Variants in SLC4A5 observed in about 807,000 individuals in gnomAD.
The protein encoded by SLC4A5 is solute carrier family 4 member 5.
SLC4A5 carries 96 observed loss-of-function variants against 120.4 expected under a neutral mutation model. The ratio of observed to expected loss-of-function variants is 0.80; its 90% CI spans 0.68 to 0.94. The LOEUF is 0.94. Ranked by LOEUF, SLC4A5 falls within the 40% of genes least tolerant of loss-of-function variation. The pLI, the probability that SLC4A5 is intolerant of heterozygous loss-of-function variation, is 0.00. For synonymous variants in SLC4A5, 550 were observed against 571.1 expected (o/e 0.96, Z 0.53); for missense variants, 1,259 against 1,459.5 (o/e 0.86, Z 2.24).
exon 27 of SLC4A5, chr2:74,227,011 C>T (rs1694863859): frequency 6.2e-7 from 1 of 1,614,182 alleles, no homozygotes; most frequent in Non-Finnish European, 8.5e-7. Context: ...AGAGCACCGC[C>T]AGGCAGAGGA....
intron 15 of SLC4A5, among the ~76,000 whole-genome samples, chr2:74,252,729 G>C (rs1451111981): frequency 6.6e-6 from 1 of 151,918 alleles, no homozygotes; most frequent in Non-Finnish European, 1.5e-5. Context: ...AGGGACTATA[G>C]GTGCATGCCA....
intron 8 of SLC4A5, among the ~76,000 whole-genome samples, chr2:74,268,829 G>C (rs1393023516): frequency 6.6e-6 from 1 of 152,176 alleles, no homozygotes; most frequent in Non-Finnish European, 1.5e-5. Flanking sequence ...GATTACTAGT[G>C]AGATTGAACA....
exon 28 of SLC4A5, chr2:74,224,988 C>A (rs752159341): frequency 2.0e-5 from 32 of 1,613,780 alleles, no homozygotes; most frequent in Non-Finnish European, 2.7e-5. Flanking sequence ...GATGATGAGG[C>A]CCAGGATCTG....
At chr2:74,327,712 C>A (rs1321688417) in intron 5 of SLC4A5, among the ~76,000 whole-genome samples, 3 of 152,144 alleles carry the variant, frequency 2.0e-5, no homozygotes, top group African/African-American at 4.8e-5. Context: ...AGAGGTAAGT[C>A]TCAGGGTTTT....
chr2:74,222,219 G>A (rs1694675614), intron 29 of SLC4A5, among the ~76,000 whole-genome samples: 2 of 152,326 alleles, frequency 1.3e-5, no homozygotes, highest in Admixed American at 1.3e-4. Flanking sequence ...GGGAGGCCTG[G>A]TGGGCCATGT....
At chr2:74,289,800 G>C (rs1163904913) in intron 7 of SLC4A5, among the ~76,000 whole-genome samples, 1 of 151,988 alleles carries the variant, frequency 6.6e-6, no homozygotes, top group African/African-American at 2.4e-5. Context: ...ATTCTCCCTG[G>C]GATCAGAAAT....
In SLC4A5 at chr2:74,248,316, C is replaced by T. The variant is rs10178721; in HGVS notation, c.1787+37G>A. On this transcript the variant is annotated intron_variant, in intron 18 of 30. Coordinates refer to ENST00000394019, the Ensembl canonical transcript of SLC4A5. Reference sequence around the variant, plus strand: ...TAGCCCCAGCATACTGCCCCAAATGCGAGAGCAGGCACTGGGGGCCACCAA... The same window carrying T: ...TAGCCCCAGCATACTGCCCCAAATGTGAGAGCAGGCACTGGGGGCCACCAA... The T allele has an allele frequency of 2.6e-3, 4,192 of 1,608,720 alleles. 96 individuals carry two copies. The African/African-American group carries it at 0.05, about 19-fold the overall frequency.
chr2:74,313,738 A>G (rs1017863230), intron 6 of SLC4A5, among the ~76,000 whole-genome samples: 7 of 152,188 alleles, frequency 4.6e-5, no homozygotes, highest in African/African-American at 1.7e-4. Context: ...AATTTGAGAT[A>G]AGCAGTAGAC....
At chr2:74,242,171 G>A in intron 19 of SLC4A5, 119 bp from the exon 20 acceptor site, 1 of 839,484 alleles carries the variant, frequency 1.2e-6, no homozygotes, top group South Asian at 1.5e-5. Flanking sequence ...TCCATTGTGA[G>A]GGCAGCTCCC....
Position 74,229,260 on chromosome 2 carries a change from G to T in SLC4A5, c.2848-1382C>A, listed in dbSNP as rs879601920. Among the ~76,000 whole-genome samples, 542 of 79,626 alleles carry T rather than the reference G, an allele frequency of 6.8e-3. 2 individuals carry two copies. The highest frequency in any genetic ancestry group is 0.015 in the Non-Finnish European group (444 of 30,328). 52.2% of individuals were successfully genotyped at this position (79,626 alleles called of 152,430 possible). On this transcript the variant is annotated intron_variant, in intron 25 of 30. Coordinates refer to ENST00000394019, the Ensembl canonical transcript of SLC4A5. ...CGATTCGAAGGTGTTTTTTTTTTTT[G>T]GGGGGGGCACGGAGTCTCACTCTGT...
At chr2:74,264,610 G>A (rs1351230509) in intron 9 of SLC4A5, among the ~76,000 whole-genome samples, 3 of 151,852 alleles carry the variant, frequency 2.0e-5, no homozygotes, top group African/African-American at 7.3e-5. Context: ...TGTGTTCAAT[G>A]GTTTTAGTCC....
intron 6 of SLC4A5, chr2:74,307,158 GC>G (rs1336144401): frequency 1.8e-6 from 1 of 559,284 alleles, no homozygotes; most frequent in African/African-American, 1.9e-5. Context: ...TCCAACCTTG[GC>G]AGACTGCATG....
At chr2:74,337,499 C>G (rs1185377809) in intron 3 of SLC4A5, among the ~76,000 whole-genome samples, 1 of 152,134 alleles carries the variant, frequency 6.6e-6, no homozygotes, top group Non-Finnish European at 1.5e-5. Flanking sequence ...GGCTCAAGTA[C>G]AGATGAAGGA....
At chr2:74,229,793 C>T (rs1573005807) in intron 25 of SLC4A5, among the ~76,000 whole-genome samples, 1 of 152,136 alleles carries the variant, frequency 6.6e-6, no homozygotes, top group Non-Finnish European at 1.5e-5. Flanking sequence ...CACCAATTCT[C>T]AAGCCAGAAA....
intron 7 of SLC4A5, among the ~76,000 whole-genome samples, chr2:74,299,786 C>A (rs1371927921): frequency 6.6e-6 from 1 of 152,136 alleles, no homozygotes; most frequent in Non-Finnish European, 1.5e-5. Context: ...TAAATTGGTA[C>A]AGCCATTATG....
intron 23 of SLC4A5, among the ~76,000 whole-genome samples, chr2:74,232,878 A>G (rs1405652837): frequency 6.6e-6 from 1 of 152,160 alleles, no homozygotes; most frequent in Non-Finnish European, 1.5e-5. Flanking sequence ...TCAAGCTTGG[A>G]GAGGCCCTGG....
At chr2:74,303,016 CTGTGTGTGTG>C (rs10601390) in intron 7 of SLC4A5, among the ~76,000 whole-genome samples, 4 of 144,968 alleles carry the variant, frequency 2.8e-5, no homozygotes, top group Non-Finnish European at 6.1e-5. Context: ...CTGAGCAGGA[CTGTGTGTGTG>C]TGTGTGTGTG....
chr2:74,291,744 A>G (rs1672179171), intron 7 of SLC4A5, among the ~76,000 whole-genome samples: 1 of 152,230 alleles, frequency 6.6e-6, no homozygotes, highest in South Asian at 2.1e-4. Context: ...TGTTGGGATT[A>G]CAGGTGTGAG....
At chr2:74,240,325 T>G (rs1212118871) in intron 20 of SLC4A5, among the ~76,000 whole-genome samples, 2 of 152,182 alleles carry the variant, frequency 1.3e-5, no homozygotes. Context: ...CCTCCTTTCC[T>G]GCCTTCAAGA....
Sources: gnomAD v4.1 joint callset for allele counts (sites outside exome capture counted in the v4.1 genomes callset) on GRCh38, gnomAD v4.1.1 for gene constraint, MANE v1.5 for transcripts, NCBI Gene and HGNC (gene_info 2026-07-23, HGNC 2026-07-21) for gene names.